Variants in PCCA observed in about 807,000 individuals in gnomAD.
The protein encoded by PCCA is propionyl-CoA carboxylase subunit alpha.
A neutral mutation model predicts 101.3 loss-of-function variants in PCCA; 74 were observed. The observed-to-expected ratio is 0.73, with a 90% CI of 0.61 to 0.89. The LOEUF (loss-of-function observed/expected upper bound fraction) is 0.89, where lower values mean the gene tolerates loss of function less well. Among genes scored for constraint, PCCA ranks in the 40% least tolerant of loss-of-function variants. The pLI, the probability that PCCA is intolerant of heterozygous loss-of-function variation, is 0.00. For missense variants in PCCA, 891 were observed against 907.0 expected (o/e 0.98, Z 0.23); for synonymous variants, 294 against 313.6 (o/e 0.94, Z 0.66).
intron 18 of PCCA, among the ~76,000 whole-genome samples, chr13:100,340,535 G>A (rs2071143557): frequency 6.6e-6 from 1 of 152,198 alleles, no homozygotes; most frequent in Non-Finnish European, 1.5e-5. Flanking sequence ...CATTCGAGTA[G>A]TTTGTGTTTA....
rs963061200 is a variant in PCCA, at chr13:100,141,230, C to T, written c.301-13749C>T. On this transcript the variant is annotated intron_variant, in intron 4 of 23. Transcript: ENST00000376285. The stretch of plus-strand genomic sequence containing the variant: ...AGTCCCTTTTCATACACTTTATTTT[C>T]AAGCCATCTCACAGATTTCTATACT... Among the ~76,000 whole-genome samples, 5 of 152,234 alleles carry T rather than the reference C, an allele frequency of 3.3e-5. No individual in the cohort carries two copies. In the South Asian group the frequency reaches 6.2e-4, roughly 19 times the overall value.
intron 18 of PCCA, 32 bp downstream of exon 18, chr13:100,340,291 A>T (rs373359474): frequency 9.2e-7 from 1 of 1,081,152 alleles, no homozygotes; most frequent in African/African-American, 1.5e-5. Context: ...AGAATAAATG[A>T]GCAGAACAAT....
At chr13:100,466,815 G>A (rs554005941) in intron 21 of PCCA, among the ~76,000 whole-genome samples, 20 of 152,166 alleles carry the variant, frequency 1.3e-4, no homozygotes, top group Middle Eastern at 6.8e-3. Context: ...CTGAGATTGC[G>A]CCACTGCACT....
chr13:100,159,765 A>T (rs1594444432), intron 6 of PCCA, among the ~76,000 whole-genome samples: 1 of 152,196 alleles, frequency 6.6e-6, no homozygotes, highest in East Asian at 1.9e-4. Flanking sequence ...CGCTGCTCCC[A>T]TGCGTGGCTG....
At chr13:100,120,177 C>CTTT (rs11289175) in intron 4 of PCCA, among the ~76,000 whole-genome samples, 1 of 131,054 alleles carries the variant, frequency 7.6e-6, no homozygotes, top group Admixed American at 7.8e-5. Flanking sequence ...TTTCAGATTA[C>CTTT]TTTTTTTTTT....
chr13:100,243,362 A>C (rs1169691734), intron 8 of PCCA, among the ~76,000 whole-genome samples: 2 of 152,216 alleles, frequency 1.3e-5, no homozygotes, highest in Non-Finnish European at 2.9e-5. Context: ...ACATATTTAA[A>C]GTTCTTTTGT....
chr13:100,170,238 T>C (rs1414340108), intron 6 of PCCA, among the ~76,000 whole-genome samples: 1 of 152,236 alleles, frequency 6.6e-6, no homozygotes, highest in Non-Finnish European at 1.5e-5. Context: ...ACTCCTAAGC[T>C]TAGAATTCAG....
rs139152391 is a variant in PCCA at position 100,267,768 on chromosome 13, T to C, written c.820-921T>C. 5.3e-4 allele frequency among the ~76,000 whole-genome samples: 81 copies of C among 152,334 alleles called. 1 individual carries two copies. In the East Asian group the frequency reaches 0.015, roughly 29 times the overall value. On this transcript the variant is annotated intron_variant, in intron 10 of 23. Coordinates refer to ENST00000376285, the MANE Select transcript of PCCA (RefSeq NM_000282.4). ...TCCAGATTTAGCTGAAAAAGATACA[T>C]GTTAAATTTGAATTTCAGATTAACA...
intron 4 of PCCA, among the ~76,000 whole-genome samples, chr13:100,129,396 T>A (rs1234771017): frequency 6.6e-6 from 1 of 152,224 alleles, no homozygotes; most frequent in East Asian, 1.9e-4. Context: ...GGAATTTTAG[T>A]TCATAGGCTC....
intron 7 of PCCA, among the ~76,000 whole-genome samples, chr13:100,210,787 CT>C (rs1298337101): frequency 6.6e-6 from 1 of 152,134 alleles, no homozygotes; most frequent in African/African-American, 2.4e-5. Context: ...TTGGGTTGTT[CT>C]TCATTGTGCA....
chr13:100,097,696 C>T (rs373784088), intron 1 of PCCA, among the ~76,000 whole-genome samples: 14 of 151,956 alleles, frequency 9.2e-5, no homozygotes, highest in African/African-American at 2.7e-4. Flanking sequence ...TCCAGCCTGG[C>T]GACAGAGTGA....
intron 13 of PCCA, among the ~76,000 whole-genome samples, chr13:100,302,146 T>A (rs1366996758): frequency 6.6e-6 from 1 of 152,176 alleles, no homozygotes; most frequent in Non-Finnish European, 1.5e-5. Context: ...AATTTTAATT[T>A]TGGGTTTTAC....
chr13:100,186,827 C>G (rs2152439375), intron 6 of PCCA, among the ~76,000 whole-genome samples: 1 of 151,560 alleles, frequency 6.6e-6, no homozygotes, highest in African/African-American at 2.4e-5. Flanking sequence ...ATGTGTATCA[C>G]CTAGTAACTA....
At chr13:100,312,041 G>T (rs1191626575) in intron 16 of PCCA, among the ~76,000 whole-genome samples, 1 of 152,114 alleles carries the variant, frequency 6.6e-6, no homozygotes, top group Non-Finnish European at 1.5e-5. Context: ...GGACACTGAT[G>T]ATCTTTATCT....
chr13:100,356,957 A>G (rs1214226531), intron 18 of PCCA, among the ~76,000 whole-genome samples: 1 of 152,222 alleles, frequency 6.6e-6, no homozygotes, highest in Middle Eastern at 3.2e-3. Context: ...AGATGAAATA[A>G]TTCAGTCAAA....
intron 21 of PCCA, among the ~76,000 whole-genome samples, chr13:100,470,341 G>T (rs1352968459): frequency 3.3e-5 from 5 of 152,152 alleles, no homozygotes; most frequent in Non-Finnish European, 7.4e-5. Context: ...AAGGGTCAAA[G>T]AAAAGACAGT....
intron 21 of PCCA, among the ~76,000 whole-genome samples, chr13:100,449,742 G>A (rs1327994321): frequency 3.3e-5 from 5 of 152,146 alleles, no homozygotes; most frequent in African/African-American, 7.2e-5. Flanking sequence ...CATCCACCTC[G>A]GCTTCCCAAA....
At chr13:100,525,661 AT>A (rs1248635980) in intron 22 of PCCA, among the ~76,000 whole-genome samples, 7 of 152,340 alleles carry the variant, frequency 4.6e-5, no homozygotes, top group African/African-American at 1.7e-4. Context: ...TGGCCCGCAG[AT>A]TCTGAGCAAG....
intron 6 of PCCA, among the ~76,000 whole-genome samples, chr13:100,205,091 A>G (rs551215519): frequency 1.3e-5 from 2 of 152,334 alleles, no homozygotes; most frequent in South Asian, 4.1e-4. Context: ...TATTTTTGGA[A>G]ACAAATTTAG....
Sources: gnomAD v4.1 joint callset for allele counts (sites outside exome capture counted in the v4.1 genomes callset) on GRCh38, gnomAD v4.1.1 for gene constraint, MANE v1.5 for transcripts, NCBI Gene and HGNC (gene_info 2026-07-23, HGNC 2026-07-21) for gene names.